CEP55: variants seen among roughly 807,000 people sequenced by gnomAD.
CEP55 encodes the protein centrosomal protein 55, also known as centrosomal protein of 55 kDa.
CEP55 carries 57 observed loss-of-function variants against 63.2 expected under a neutral mutation model. The observed-to-expected ratio is 0.90, with a 90% CI of 0.73 to 1.13. The LOEUF (loss-of-function observed/expected upper bound fraction) is 1.13. Among genes scored for constraint, CEP55 ranks in the 50% most tolerant of loss-of-function variants. The pLI is 0.00. For missense variants in CEP55, 456 were observed against 518.9 expected (o/e 0.88, Z 1.18); for synonymous variants, 178 against 191.6 (o/e 0.93, Z 0.59).
chr10:93,519,731 A>C lies in CEP55; in HGVS notation c.1115A>C (p.His372Pro). The C allele has an allele frequency of 1.2e-6, 2 of 1,614,182 alleles. No homozygotes were observed. The highest frequency in any genetic ancestry group is 1.7e-6 in the Non-Finnish European group (2 of 1,179,998). Residue 372 changes from histidine to proline, a missense_variant, in exon 8 of 9, where the codon CAT (histidine) becomes CCT (proline). By Grantham distance (77) the His-to-Pro change is moderately conservative. Coordinates refer to ENST00000371485, the MANE Select transcript of CEP55 (RefSeq NM_018131.5). ...DFENEKLDRQ[H>P]VQHQLHVILK... ...GAAAATGAAAAACTCGACCGTCAAC[A>C]TGTGCAGCATCAATTGCATGTAATT... is the stretch of plus-strand genomic sequence containing the variant.
Position 93,528,203 on chromosome 10 carries a change from G to T in CEP55, c.*50G>T. ...TAAAAGATTCAATACTGTATTTTCT[G>T]TTAGCTTGTGGGCATTTTGAATTAT... On this transcript the variant is annotated 3_prime_UTR_variant, in exon 9 of 9. Transcript: ENST00000371485. The T allele has an allele frequency of 6.7e-7, 1 of 1,497,418 alleles. No homozygotes were observed. The highest frequency in any genetic ancestry group is 9.3e-7 in the Non-Finnish European group (1 of 1,080,590). 92.8% of individuals were successfully genotyped at this position (1,497,418 alleles called of 1,614,324 possible). A position where few individuals can be genotyped will look rare whatever the true frequency, so the allele number is the denominator to read the frequency against.
intron 8 of CEP55, among the ~76,000 whole-genome samples, chr10:93,521,214 G>A (rs1047159518): frequency 7.2e-5 from 11 of 152,104 alleles, no homozygotes; most frequent in South Asian, 4.1e-4. Flanking sequence ...AGGGGTGACT[G>A]ACGGCACCTG....
chr10:93,506,866 G>T (rs1327630406), intron 3 of CEP55, 122 bp from the exon 4 acceptor site: 6 of 748,100 alleles, frequency 8.0e-6, no homozygotes, highest in Admixed American at 7.6e-5. Context: ...GAGCCACCGT[G>T]CCCAGCCTAG....
intron 4 of CEP55, chr10:93,510,780 C>T (rs1298810218): frequency 2.0e-5 from 3 of 152,194 alleles, no homozygotes; most frequent in Non-Finnish European, 4.4e-5. Flanking sequence ...CTTCTATAAT[C>T]TACCATTCCT....
At chr10:93,521,644 C>G (rs1255564377) in intron 8 of CEP55, among the ~76,000 whole-genome samples, 2 of 152,198 alleles carry the variant, frequency 1.3e-5, no homozygotes, top group African/African-American at 4.8e-5. Context: ...GACAGACTGC[C>G]TCTACAAGTG....
intron 4 of CEP55, among the ~76,000 whole-genome samples, 182 bp from the exon 5 acceptor site, chr10:93,515,223 A>G (rs935934395): frequency 8.5e-5 from 13 of 152,228 alleles, no homozygotes; most frequent in Admixed American, 2.6e-4. Flanking sequence ...ATCCCACATA[A>G]ACTACGATGG....
intron 5 of CEP55, 142 bp downstream of exon 5, chr10:93,515,697 A>G (rs2057797201): frequency 5.0e-6 from 4 of 802,138 alleles, no homozygotes; most frequent in Non-Finnish European, 7.4e-6. Context: ...AAGAAATACC[A>G]TTTTTGCAAG....
At chr10:93,512,093 G>A (rs1045224268) in intron 4 of CEP55, among the ~76,000 whole-genome samples, 3 of 151,558 alleles carry the variant, frequency 2.0e-5, no homozygotes, top group Non-Finnish European at 4.4e-5. Context: ...TGGGCGTGGT[G>A]GTACACGCCT....
At chr10:93,510,060 C>T (rs2057728920) in intron 4 of CEP55, among the ~76,000 whole-genome samples, 2 of 152,118 alleles carry the variant, frequency 1.3e-5, no homozygotes, top group Non-Finnish European at 2.9e-5. Context: ...TTAAATAAGC[C>T]CTAAAAGCTA....
Position 93,500,183 on chromosome 10 carries a change from C to G in CEP55, c.132C>G (p.Ile44Met). 1 of 1,613,292 alleles carries G rather than the reference C, an allele frequency of 6.2e-7. No homozygotes were observed. The highest frequency in any genetic ancestry group is 8.5e-7 in the Non-Finnish European group (1 of 1,179,758). The change falls in exon 2 of 9, where the codon ATC becomes ATG. Residue 44 changes from isoleucine to methionine, a missense_variant. Coordinates refer to ENST00000371485, the MANE Select transcript of CEP55 (RefSeq NM_018131.5). ...ACTTAAAGACATCAGTGGATGAAAT[C>G]ACAAGTGGGAAAGGAAAGCTGACTG... ...IAHLKTSVDE[I>M]TSGKGKLTDK...
At chr10:93,517,308 A>G (rs1233791366) in intron 6 of CEP55, 60 bp downstream of exon 6, 3 of 1,389,224 alleles carry the variant, frequency 2.2e-6, no homozygotes, top group African/African-American at 2.9e-5. Context: ...AGTGTCAGGG[A>G]CTATTTGACC....
intron 4 of CEP55, among the ~76,000 whole-genome samples, chr10:93,513,935 A>C (rs2057775304): frequency 6.7e-6 from 1 of 150,268 alleles, no homozygotes; most frequent in African/African-American, 2.4e-5. Context: ...TGCATCTGCA[A>C]AGCCTCCCCC....
chr10:93,525,933 A>G (rs984921412), intron 8 of CEP55, among the ~76,000 whole-genome samples: 4 of 152,182 alleles, frequency 2.6e-5, no homozygotes, highest in African/African-American at 9.6e-5. Flanking sequence ...TACAAAAATT[A>G]ATTCAAGATG....
intron 1 of CEP55, among the ~76,000 whole-genome samples, chr10:93,498,680 A>T (rs1352711443): frequency 6.6e-6 from 1 of 152,130 alleles, no homozygotes; most frequent in African/African-American, 2.4e-5. Flanking sequence ...GTTTTTACTG[A>T]TATCATTTAT....
intron 1 of CEP55, among the ~76,000 whole-genome samples, chr10:93,497,824 TAC>T (rs1001947911): frequency 7.3e-5 from 11 of 151,194 alleles, no homozygotes; most frequent in Non-Finnish European, 1.5e-4. Context: ...GAATAGGAAA[TAC>T]AGGGAAAGGT....
At chr10:93,506,240 C>A (rs895070662) in intron 3 of CEP55, among the ~76,000 whole-genome samples, 4 of 152,202 alleles carry the variant, frequency 2.6e-5, no homozygotes, top group African/African-American at 9.7e-5. Context: ...CTGCACCCGG[C>A]CTAATTAATA....
intron 5 of CEP55, 124 bp downstream of exon 5, chr10:93,515,679 C>T: frequency 1.0e-6 from 1 of 965,118 alleles, no homozygotes; most frequent in Non-Finnish European, 1.5e-6. Flanking sequence ...GTCTTATAGC[C>T]CTGAAGTAAG....
At chr10:93,519,897 C>T (rs754953120) in intron 8 of CEP55, 90 bp downstream of exon 8, 2 of 1,326,896 alleles carry the variant, frequency 1.5e-6, no homozygotes, top group African/African-American at 1.4e-5. Flanking sequence ...CAGCTTAACA[C>T]ACAGCTAGCT....
At chr10:93,510,114 A>T (rs1589650780) in intron 4 of CEP55, among the ~76,000 whole-genome samples, 1 of 152,276 alleles carries the variant, frequency 6.6e-6, no homozygotes, top group South Asian at 2.1e-4. Flanking sequence ...TTCAGTTACC[A>T]TTTCGCTCTG....
Sources: gnomAD v4.1 joint callset for allele counts (sites outside exome capture counted in the v4.1 genomes callset) on GRCh38, gnomAD v4.1.1 for gene constraint, MANE v1.5 for transcripts, NCBI Gene and HGNC (gene_info 2026-07-23, HGNC 2026-07-21) for gene names.